The following FAAH2 variants were observed in gnomAD, a reference collection of about 807,000 sequenced individuals.
FAAH2 encodes fatty-acid amide hydrolase 2.
Under a neutral mutation model 36.9 loss-of-function variants are expected in FAAH2, and 60 were observed. The ratio of observed to expected loss-of-function variants is 1.63; its 90% CI spans 1.32 to 2.02. FAAH2 has a LOEUF of 2.02. FAAH2 is among the 30% of genes most tolerant of loss of function. The pLI is 0.00. For missense variants in FAAH2, 689 were observed against 397.5 expected, an observed-to-expected ratio of 1.73 and a Z score of -6.23; for synonymous variants, 214 against 143.8, an observed-to-expected ratio of 1.49 and a Z score of -3.49.
At chrX:57,148,480 C>A in the FAAH2 span, among the ~76,000 whole-genome samples, 1 of 110,693 alleles carries the variant, frequency 9.0e-6, no homozygotes, top group Non-Finnish European at 1.9e-5. Context: ...TCCTTCACAT[C>A]CCTTGTAAGT....
chrX:57,359,726 T>C (rs979444805), intron 5 of FAAH2, among the ~76,000 whole-genome samples: 3 of 111,673 alleles, frequency 2.7e-5, no homozygotes, highest in Non-Finnish European at 3.8e-5. Context: ...ACCAATATTA[T>C]AGTATCACAG....
At chrX:57,227,781 G>A in the FAAH2 span, among the ~76,000 whole-genome samples, 44 of 111,774 alleles carry the variant, frequency 3.9e-4, no homozygotes, top group Non-Finnish European at 7.3e-4. Context: ...GGGCAGGGCC[G>A]TGTCTGAGCT....
intron 10 of FAAH2, among the ~76,000 whole-genome samples, chrX:57,470,652 A>T (rs1420383442): frequency 9.0e-6 from 1 of 111,406 alleles, no homozygotes; most frequent in Non-Finnish European, 1.9e-5. Context: ...ACTCGCAGCC[A>T]AATTCTACCA....
chrX:57,359,233 A>G (rs1346798932), intron 5 of FAAH2, among the ~76,000 whole-genome samples: 1 of 110,990 alleles, frequency 9.0e-6, no homozygotes, highest in Non-Finnish European at 1.9e-5. Flanking sequence ...TTTTACTCCT[A>G]AGAGATCTTC....
At chrX:57,450,409 G>A (rs1237321780) in intron 10 of FAAH2, among the ~76,000 whole-genome samples, 4 of 110,961 alleles carry the variant, frequency 3.6e-5, no homozygotes, top group African/African-American at 1.3e-4. Context: ...GTGATTTAAG[G>A]GTCAGGGTCA....
chrX:57,150,959 G>A, the FAAH2 span, among the ~76,000 whole-genome samples: 1 of 111,906 alleles, frequency 8.9e-6, no homozygotes, highest in East Asian at 2.8e-4. Context: ...AGGCCTGGTG[G>A]TGACAAAATC....
chrX:57,170,431 C>CT, the FAAH2 span, among the ~76,000 whole-genome samples: 2 of 111,342 alleles, frequency 1.8e-5, no homozygotes, highest in African/African-American at 6.5e-5. Flanking sequence ...GCTGCTATGA[C>CT]TATTTTAATT....
the FAAH2 span, among the ~76,000 whole-genome samples, chrX:57,245,786 A>G: frequency 8.9e-6 from 1 of 112,498 alleles, no homozygotes; most frequent in Non-Finnish European, 1.9e-5. Flanking sequence ...AAAGATCTAA[A>G]ATTGAAAACC....
intron 7 of FAAH2, among the ~76,000 whole-genome samples, chrX:57,384,207 A>C (rs1292216341): frequency 1.8e-4 from 20 of 108,708 alleles, no homozygotes; most frequent in African/African-American, 3.3e-4. Flanking sequence ...GTTAGACCTA[A>C]AACCATAAAA....
chrX:57,315,248 G>A (rs1338661750), intron 3 of FAAH2, among the ~76,000 whole-genome samples: 1 of 111,146 alleles, frequency 9.0e-6, no homozygotes, highest in Non-Finnish European at 1.9e-5. Context: ...TGAGCTGTGA[G>A]ATGGAATCGG....
chrX:57,479,430 T>C (rs758478427), intron 10 of FAAH2, among the ~76,000 whole-genome samples: 1 of 111,755 alleles, frequency 8.9e-6, no homozygotes, highest in East Asian at 2.8e-4. Flanking sequence ...TCATGTCATC[T>C]GCAAACAGGG....
At chrX:57,248,254 C>A in the FAAH2 span, among the ~76,000 whole-genome samples, 1 of 112,030 alleles carries the variant, frequency 8.9e-6, no homozygotes, top group African/African-American at 3.2e-5. Flanking sequence ...CTGGCTCTTG[C>A]ACCAACAGGT....
intron 10 of FAAH2, among the ~76,000 whole-genome samples, chrX:57,458,603 G>C (rs1168885609): frequency 8.9e-6 from 1 of 112,281 alleles, no homozygotes; most frequent in Non-Finnish European, 1.9e-5. Flanking sequence ...CGCAGAAGGG[G>C]AGTGACTTCT....
At chrX:57,362,833 C>G (rs778539246) in intron 5 of FAAH2, among the ~76,000 whole-genome samples, 31 of 111,846 alleles carry the variant, frequency 2.8e-4, no homozygotes, top group Admixed American at 8.6e-4. Flanking sequence ...TTGATAGGTA[C>G]TTCATTCCCC....
upstream of FAAH2, among the ~76,000 whole-genome samples, chrX:57,285,230 A>T (rs1434757435): frequency 8.9e-6 from 1 of 111,905 alleles, no homozygotes; most frequent in Non-Finnish European, 1.9e-5. Context: ...TTCAGTATCA[A>T]CCTAAGTTCT....
At chrX:57,138,363 T>C in the FAAH2 span, among the ~76,000 whole-genome samples, 18 of 111,119 alleles carry the variant, frequency 1.6e-4, no homozygotes, top group Non-Finnish European at 1.9e-4. Flanking sequence ...TTGGCTAACA[T>C]CTGAAAAGTT....
intron 7 of FAAH2, chrX:57,393,514 G>A (rs964826114): frequency 2.0e-5 from 19 of 954,194 alleles, no homozygotes; most frequent in Middle Eastern, 2.6e-4. Context: ...AGGAATTGCC[G>A]TGTGCGATGA....
chrX:57,414,267 G>A (rs528438721), intron 7 of FAAH2, among the ~76,000 whole-genome samples: 2 of 112,187 alleles, frequency 1.8e-5, no homozygotes, highest in Admixed American at 1.9e-4. Context: ...AGTGGTGAGA[G>A]AGGGCATCTT....
chrX:57,232,511 A>G, the FAAH2 span, among the ~76,000 whole-genome samples: 1 of 112,177 alleles, frequency 8.9e-6, no homozygotes, highest in African/African-American at 3.2e-5. Context: ...AATAATTCCA[A>G]ATTTAATTTG....
Sources: allele counts gnomAD v4.1 joint callset (sites outside exome capture counted in the v4.1 genomes callset), GRCh38; gene constraint gnomAD v4.1.1; transcripts MANE v1.5; gene names NCBI Gene and HGNC (gene_info 2026-07-23, HGNC 2026-07-21).